Variants in FRMPD2 observed in about 807,000 individuals in gnomAD.
FRMPD2 encodes the protein FERM and PDZ domain-containing protein 2.
In FRMPD2, 96 loss-of-function variants were observed where a neutral mutation model predicts 140.1. That is an observed-to-expected ratio of 0.69 (90% CI 0.58 to 0.81). The LOEUF is 0.81. FRMPD2 is among the 40% of genes least tolerant of loss of function. The probability of loss-of-function intolerance (pLI) is 0.00; values close to 1 mark genes in which losing one functional copy is unlikely to be tolerated. For synonymous variants in FRMPD2, 449 were observed against 547.6 expected, an observed-to-expected ratio of 0.82 and a Z score of 2.52; for missense variants, 1,240 against 1,447.4, an observed-to-expected ratio of 0.86 and a Z score of 2.32.
chr10:48,216,466 A>G (rs1333663798), intron 12 of FRMPD2, among the ~76,000 whole-genome samples: 2 of 152,102 alleles, frequency 1.3e-5, no homozygotes, highest in Non-Finnish European at 2.9e-5. Context: ...TGAGTAAGAG[A>G]CTATTACTCA....
chr10:48,191,306 C>T (rs1445538159), intron 16 of FRMPD2, among the ~76,000 whole-genome samples: 1 of 152,188 alleles, frequency 6.6e-6, no homozygotes, highest in Admixed American at 6.5e-5. Flanking sequence ...TAGACTAGTC[C>T]AGCATCTGCT....
chr10:48,199,814 T>G (rs1318549252), intron 15 of FRMPD2: 1 of 152,178 alleles, frequency 6.6e-6, no homozygotes, highest in Non-Finnish European at 1.5e-5. Flanking sequence ...CCAACCCGTC[T>G]TGCAGTTGTC....
Position 48,192,721 on chromosome 10 carries a change from C to T in FRMPD2, c.2128G>A (p.Gly710Ser), listed in dbSNP as rs762017871. The change falls in exon 16 of 29, where the codon GGC (glycine) becomes AGC (serine). Residue 710 changes from glycine to serine, a missense_variant. Gly to Ser is a moderately conservative substitution (Grantham distance 56). This residue lies in a region of FRMPD2 where 1,161 missense variants were observed against 1,055.9 expected (regional missense o/e 1.10). Transcript: ENST00000374201. Reference sequence around the variant, plus strand: ...CCTTCTGCTCCAGCCTCCTTGCTGCCGTCCACGTTGAAGTTATCCATTGAT... The same window carrying T: ...CCTTCTGCTCCAGCCTCCTTGCTGCTGTCCACGTTGAAGTTATCCATTGAT... ...STSMDNFNVD[G>S]SKEAGAEGIG... The T allele has an allele frequency of 7.0e-5, 113 of 1,614,036 alleles. No homozygotes were observed. Among genetic ancestry groups the T allele is most frequent in the Non-Finnish European group, 9.0e-5 (106 of 1,180,030 alleles).
At position 48,185,550 on chromosome 10, in the gene FRMPD2, T is replaced by C. The variant is rs1376494168; in HGVS notation, c.2359+3A>G. Reference sequence around the variant, plus strand: ...GGGCCTCACCTACAGGGAGCCCTCTTACCAAAACCACGATGTGGGTCACGT... The same window carrying C: ...GGGCCTCACCTACAGGGAGCCCTCTCACCAAAACCACGATGTGGGTCACGT... On this transcript the variant is annotated splice_donor_region_variant and intron_variant, in intron 18 of 28. Transcript: ENST00000374201. 2 of 1,612,796 alleles carry C rather than the reference T, an allele frequency of 1.2e-6. No individual in the cohort carries two copies. Among genetic ancestry groups the C allele is most frequent in the Non-Finnish European group, 1.7e-6 (2 of 1,178,814 alleles).
chr10:48,242,481 C>T, intron 4 of FRMPD2, 129 bp from the exon 5 acceptor site: 3 of 720,638 alleles, frequency 4.2e-6, no homozygotes, highest in Non-Finnish European at 6.8e-6. Flanking sequence ...AGATGCCTGC[C>T]CCTTCTGGAG....
At chr10:48,269,145 A>G (rs1840727022) in intron 1 of FRMPD2, among the ~76,000 whole-genome samples, 1 of 152,236 alleles carries the variant, frequency 6.6e-6, no homozygotes, top group Non-Finnish European at 1.5e-5. Flanking sequence ...CTGTGTTTCT[A>G]GTAAATCAGG....
At chr10:48,255,123 A>G (rs1588857321) in intron 1 of FRMPD2, among the ~76,000 whole-genome samples, 1 of 152,054 alleles carries the variant, frequency 6.6e-6, no homozygotes, top group East Asian at 1.9e-4. Flanking sequence ...TCTCTCATAC[A>G]CCTTCCCAGA....
chr10:48,246,568 G>A (rs1215405988), intron 3 of FRMPD2, among the ~76,000 whole-genome samples: 1 of 152,250 alleles, frequency 6.6e-6, no homozygotes, highest in African/African-American at 2.4e-5. Flanking sequence ...TGTAGTTAGA[G>A]ACCTGCCCAC....
In FRMPD2 at chr10:48,256,614, AG is replaced by A. The variant is rs550494662; in HGVS notation, c.26-4924del. Among the ~76,000 whole-genome samples, 300 of 152,226 alleles carry A rather than the reference AG, an allele frequency of 2.0e-3. 1 individual carries two copies. The highest frequency in any genetic ancestry group is 6.8e-3 in the Middle Eastern group (2 of 294). On this transcript the variant is annotated intron_variant, in intron 1 of 28. Transcript: ENST00000374201. ...CTGCATTGGGACAGAGGTTGGACCA[AG>A]GTCTCAGAGGTCCCTAAGGACCTTC...
At chr10:48,242,481 CCCTTCTGGAGAGTTTAA>C (rs1175954038) in intron 4 of FRMPD2, 129 bp from the exon 5 acceptor site, 4 of 720,520 alleles carry the variant, frequency 5.6e-6, no homozygotes, top group Non-Finnish European at 9.0e-6. Context: ...AGATGCCTGC[CCCTTCTGGAGAGTTTAA>C]GGACAGACAC....
intron 15 of FRMPD2, among the ~76,000 whole-genome samples, chr10:48,200,445 G>A (rs1839059429): frequency 6.6e-6 from 1 of 152,196 alleles, no homozygotes; most frequent in Non-Finnish European, 1.5e-5. Flanking sequence ...GGGAACCTAG[G>A]TGGGAGTTTT....
chr10:48,176,807 G>A (rs1487584238), intron 22 of FRMPD2, among the ~76,000 whole-genome samples: 1 of 151,902 alleles, frequency 6.6e-6, no homozygotes, highest in Admixed American at 6.6e-5. Context: ...GTGGATTCAT[G>A]AGCCTTATTG....
At chr10:48,219,088 G>A (rs1164278297) in intron 12 of FRMPD2, among the ~76,000 whole-genome samples, 4 of 152,106 alleles carry the variant, frequency 2.6e-5, no homozygotes, top group Admixed American at 6.5e-5. Context: ...GGTATATAAG[G>A]TTGAGACGGA....
At chr10:48,215,949 A>C (rs1386017049) in intron 12 of FRMPD2, among the ~76,000 whole-genome samples, 2 of 152,206 alleles carry the variant, frequency 1.3e-5, no homozygotes, top group East Asian at 1.9e-4. Flanking sequence ...AGACTGAGTA[A>C]AGCAGATGGC....
intron 1 of FRMPD2, among the ~76,000 whole-genome samples, chr10:48,260,757 T>C (rs1447885418): frequency 6.6e-6 from 1 of 152,054 alleles, no homozygotes; most frequent in Non-Finnish European, 1.5e-5. Context: ...AAGTCATGTA[T>C]AAAAACAACA....
chr10:48,216,496 T>C (rs996006415), intron 12 of FRMPD2, among the ~76,000 whole-genome samples: 4 of 152,138 alleles, frequency 2.6e-5, no homozygotes, highest in Non-Finnish European at 5.9e-5. Flanking sequence ...CTGCCTCCAG[T>C]GGATCTGGCC....
intron 26 of FRMPD2, among the ~76,000 whole-genome samples, chr10:48,170,541 C>T (rs1291645357): frequency 2.0e-5 from 3 of 151,780 alleles, no homozygotes; most frequent in Admixed American, 1.3e-4. Context: ...AGGACTCTGT[C>T]TAATATATAC....
chr10:48,263,811 T>C (rs983623731), intron 1 of FRMPD2, among the ~76,000 whole-genome samples: 5 of 152,070 alleles, frequency 3.3e-5, no homozygotes, highest in Non-Finnish European at 2.9e-5. Flanking sequence ...GCCATAATTG[T>C]CCCAATACCA....
intron 14 of FRMPD2, 92 bp from the exon 15 acceptor site, chr10:48,201,476 C>T: frequency 3.3e-6 from 4 of 1,211,584 alleles, no homozygotes; most frequent in Non-Finnish European, 4.7e-6. Context: ...CCCTTGGTTC[C>T]ACACCCTGTA....
Sources: gnomAD v4.1 joint callset for allele counts (sites outside exome capture counted in the v4.1 genomes callset) on GRCh38, gnomAD v4.1.1 for gene constraint, gnomAD v4.1.1 regional missense constraint, MANE v1.5 for transcripts, NCBI Gene and HGNC (gene_info 2026-07-23, HGNC 2026-07-21) for gene names.